The following CORO1C variants were observed in gnomAD, a reference collection of about 807,000 sequenced individuals.
The protein encoded by CORO1C is coronin 1C.
A neutral mutation model predicts 51.2 loss-of-function variants in CORO1C; 14 were observed. The ratio of observed to expected loss-of-function variants is 0.27; its 90% confidence interval spans 0.18 to 0.43. The LOEUF is 0.43. Among genes scored for constraint, CORO1C ranks in the 20% least tolerant of loss-of-function variants. The pLI, the probability that CORO1C is intolerant of heterozygous loss-of-function variation, is 1.00. For missense variants in CORO1C, 417 were observed against 607.8 expected (o/e 0.69, Z 3.30); for synonymous variants, 181 against 210.5 (o/e 0.86, Z 1.21).
chr12:108,651,089 T>C (rs2136793773), intron 8 of CORO1C, among the ~76,000 whole-genome samples: 1 of 152,336 alleles, frequency 6.6e-6, no homozygotes, highest in Admixed American at 6.5e-5. Flanking sequence ...TTAGCTGGGA[T>C]TACAGGCACC....
At chr12:108,688,911 TC>T (rs1292915121) in intron 2 of CORO1C, among the ~76,000 whole-genome samples, 1 of 151,990 alleles carries the variant, frequency 6.6e-6, no homozygotes, top group Non-Finnish European at 1.5e-5. Flanking sequence ...ATGCCTGTAA[TC>T]CCGGCTACTC....
intron 1 of CORO1C, among the ~76,000 whole-genome samples, chr12:108,708,866 C>T (rs2035103080): frequency 6.6e-6 from 1 of 152,104 alleles, no homozygotes; most frequent in Non-Finnish European, 1.5e-5. Flanking sequence ...AATCCTCCCA[C>T]CTCAGCCTCC....
intron 2 of CORO1C, among the ~76,000 whole-genome samples, chr12:108,698,122 A>G (rs868343143): frequency 6.6e-6 from 1 of 152,250 alleles, no homozygotes; most frequent in South Asian, 2.1e-4. Flanking sequence ...GCCCTGCCAT[A>G]GCAGATCCTA....
At chr12:108,687,997 G>A (rs1219659330) in intron 2 of CORO1C, among the ~76,000 whole-genome samples, 1 of 149,142 alleles carries the variant, frequency 6.7e-6, no homozygotes, top group Non-Finnish European at 1.5e-5. Context: ...TCAGCTCACT[G>A]CATGCAACCT....
intron 1 of CORO1C, among the ~76,000 whole-genome samples, chr12:108,726,909 ACACT>A (rs1481754450): frequency 2.0e-4 from 31 of 152,322 alleles, no homozygotes; most frequent in Non-Finnish European, 7.4e-5. Flanking sequence ...AATGTTTTAA[ACACT>A]CAGTTTTACA....
intron 1 of CORO1C, among the ~76,000 whole-genome samples, chr12:108,705,998 A>G (rs10861966): frequency 0.56 from 84,878 of 151,556 alleles, 24,566 homozygotes; most frequent in East Asian, 0.99. Context: ...ACCAGCTTGC[A>G]CAACATGGTG....
intron 2 of CORO1C, among the ~76,000 whole-genome samples, chr12:108,678,756 T>C (rs537439056): frequency 1.3e-5 from 2 of 150,198 alleles, no homozygotes; most frequent in Non-Finnish European, 3.0e-5. Context: ...CTTGGTATTA[T>C]TCAAAATGTT....
chr12:108,687,740 G>A (rs2034348135), intron 2 of CORO1C, among the ~76,000 whole-genome samples: 1 of 151,698 alleles, frequency 6.6e-6, no homozygotes, highest in Non-Finnish European at 1.5e-5. Context: ...AGCCAAGATC[G>A]CGCCAGTGTA....
chr12:108,658,929 G>T lies in CORO1C; in HGVS notation c.449-10C>A, dbSNP rs1472066090. On this transcript the variant is annotated splice_polypyrimidine_tract_variant and intron_variant, in intron 4 of 10. Transcript: ENST00000261401. The surrounding 1 kb of genome is among the most constrained non-coding windows in gnomAD (Gnocchi z 4.9). ...ATGGCATTATCACAGCCTAAAACAGGCAAAACCATCAGAGATTAGAAGATT... is the reference window on the plus strand; with the variant it reads ...ATGGCATTATCACAGCCTAAAACAGTCAAAACCATCAGAGATTAGAAGATT... 5 of 1,597,368 alleles carry T rather than the reference G, an allele frequency of 3.1e-6. No homozygotes were observed. The highest frequency in any genetic ancestry group is 2.6e-6 in the Non-Finnish European group (3 of 1,166,120).
intron 2 of CORO1C, among the ~76,000 whole-genome samples, chr12:108,696,068 A>T (rs2034670461): frequency 6.6e-6 from 1 of 152,136 alleles, no homozygotes; most frequent in African/African-American, 2.4e-5. Context: ...ACAACAAAGG[A>T]GCCCATGGGA....
At chr12:108,669,632 C>A (rs916562995) in intron 3 of CORO1C, among the ~76,000 whole-genome samples, 5 of 126,986 alleles carry the variant, frequency 3.9e-5, no homozygotes, top group African/African-American at 1.5e-4. Context: ...TGAGCTACTA[C>A]CAATAGCCTA....
intron 10 of CORO1C, among the ~76,000 whole-genome samples, 183 bp from the exon 11 acceptor site, chr12:108,647,705 C>G (rs956881936): frequency 1.3e-5 from 2 of 152,142 alleles, no homozygotes; most frequent in Non-Finnish European, 2.9e-5. Context: ...GAGCACTGGC[C>G]GATCTATCTG....
intron 2 of CORO1C, among the ~76,000 whole-genome samples, chr12:108,694,878 T>C (rs540866473): frequency 1.1e-3 from 161 of 152,366 alleles, no homozygotes; most frequent in African/African-American, 3.6e-3. Flanking sequence ...CATATATGAA[T>C]TGTGTGAACT....
At chr12:108,675,724 A>T (rs1038004051) in intron 3 of CORO1C, among the ~76,000 whole-genome samples, 1 of 152,234 alleles carries the variant, frequency 6.6e-6, no homozygotes, top group African/African-American at 2.4e-5. Flanking sequence ...TGCAACCCCT[A>T]GTGAATGACT....
chr12:108,670,736 TAA>T (rs768709679), intron 3 of CORO1C, among the ~76,000 whole-genome samples: 2 of 149,462 alleles, frequency 1.3e-5, no homozygotes, highest in Non-Finnish European at 3.0e-5. Flanking sequence ...AAAAAGAAAA[TAA>T]GACACAGAAT....
intron 3 of CORO1C, among the ~76,000 whole-genome samples, chr12:108,664,961 G>C (rs1330387657): frequency 6.6e-6 from 1 of 152,198 alleles, no homozygotes; most frequent in Non-Finnish European, 1.5e-5. Flanking sequence ...ACCCCACTTA[G>C]AACTGACAGA....
Position 108,701,330 on chromosome 12 carries a change from A to G in CORO1C, c.-5-7T>C. On this transcript the variant is annotated splice_region_variant and splice_polypyrimidine_tract_variant and intron_variant, in intron 1 of 10. Transcript: ENST00000261401. ...ACCACTCGCCTCATCGTGTCTGCAA[A>G]GGAAGAGTGAGAATTATGTTAGAAT... The G allele has an allele frequency of 1.9e-6, 3 of 1,614,176 alleles. No individual in the cohort carries two copies. Among genetic ancestry groups the G allele is most frequent in the African/African-American group, 1.3e-5 (1 of 75,042 alleles).
intron 2 of CORO1C, 43 bp from the exon 3 acceptor site, chr12:108,678,437 C>CACAGA: frequency 6.9e-7 from 1 of 1,458,010 alleles, no homozygotes; most frequent in Non-Finnish European, 9.2e-7. Flanking sequence ...ATATCAACAC[C>CACAGA]ACAGACGTTA....
At chr12:108,690,593 T>C (rs1237858166) in intron 2 of CORO1C, among the ~76,000 whole-genome samples, 4 of 152,212 alleles carry the variant, frequency 2.6e-5, no homozygotes. Context: ...ACGGAAAAGT[T>C]AACATTTCCT....
Sources: gnomAD v4.1 joint callset for allele counts (sites outside exome capture counted in the v4.1 genomes callset) on GRCh38, gnomAD v4.1.1 for gene constraint, Gnocchi (gnomAD v3.1) non-coding constraint, MANE v1.5 for transcripts, NCBI Gene and HGNC (gene_info 2026-07-23, HGNC 2026-07-21) for gene names.